Variants in IL1RAPL2 observed in about 807,000 individuals in gnomAD.
IL1RAPL2 encodes interleukin 1 receptor accessory protein like 2.
Under a neutral mutation model 44.1 loss-of-function variants are expected in IL1RAPL2, and 3 were observed. That is an observed-to-expected ratio of 0.07 (90% CI 0.03 to 0.18). The LOEUF is 0.18. Ranked by LOEUF, IL1RAPL2 falls within the 10% of genes least tolerant of loss-of-function variation. IL1RAPL2 has a pLI of 1.00. For missense variants in IL1RAPL2, 391 were observed against 496.4 expected, an observed-to-expected ratio of 0.79 and a Z score of 2.02; for synonymous variants, 181 against 178.8, an observed-to-expected ratio of 1.01 and a Z score of -0.10.
intron 6 of IL1RAPL2, among the ~76,000 whole-genome samples, chrX:105,656,025 A>G (rs1192813594): frequency 9.0e-6 from 1 of 111,422 alleles, no homozygotes; most frequent in Admixed American, 9.5e-5. Flanking sequence ...ATTATTGACT[A>G]TATTCACCCT....
intron 5 of IL1RAPL2, among the ~76,000 whole-genome samples, chrX:105,385,704 A>G (rs1010150694): frequency 9.9e-5 from 11 of 111,092 alleles, no homozygotes; most frequent in Admixed American, 9.6e-4. Context: ...TAAAGAGATC[A>G]AAGTCTTGGG....
intron 2 of IL1RAPL2, among the ~76,000 whole-genome samples, chrX:105,058,013 A>G (rs766129535): frequency 9.7e-6 from 1 of 102,905 alleles, no homozygotes; most frequent in South Asian, 4.6e-4. Flanking sequence ...CAGTGGTGCG[A>G]TCTCGGCTCA....
At chrX:105,463,568 TCC>T (rs1491518789) in intron 5 of IL1RAPL2, among the ~76,000 whole-genome samples, 2 of 32,808 alleles carry the variant, frequency 6.1e-5, no homozygotes, top group Admixed American at 1.0e-3. Flanking sequence ...TCTCTCTCTC[TCC>T]CACACACACA....
intron 3 of IL1RAPL2, among the ~76,000 whole-genome samples, chrX:105,224,907 G>A (rs1294717269): frequency 7.2e-5 from 8 of 111,806 alleles, no homozygotes; most frequent in Admixed American, 2.9e-4. Flanking sequence ...TCTGTTTGTA[G>A]CATGATGTGT....
intron 2 of IL1RAPL2, among the ~76,000 whole-genome samples, chrX:104,912,032 T>G (rs1421469896): frequency 8.9e-6 from 1 of 111,898 alleles, no homozygotes; most frequent in African/African-American, 3.2e-5. Flanking sequence ...CCATTAACCT[T>G]CTTATTTTGC....
At chrX:105,236,385 G>A (rs2034120147) in intron 4 of IL1RAPL2, among the ~76,000 whole-genome samples, 2 of 112,402 alleles carry the variant, frequency 1.8e-5, no homozygotes, top group South Asian at 7.3e-4. Context: ...TTTTACAGTT[G>A]ATAAATGATC....
At chrX:104,670,209 T>C (rs907801369) in intron 2 of IL1RAPL2, among the ~76,000 whole-genome samples, 20 of 111,241 alleles carry the variant, frequency 1.8e-4, no homozygotes, top group Non-Finnish European at 1.9e-4. Flanking sequence ...CGGCCTTCAG[T>C]CTGTGGCTGA....
chrX:104,764,553 T>C (rs1447596314), intron 2 of IL1RAPL2, among the ~76,000 whole-genome samples: 1 of 112,083 alleles, frequency 8.9e-6, no homozygotes, highest in East Asian at 2.8e-4. Context: ...TATATCTTCC[T>C]CTTGTCTGAT....
At chrX:105,215,688 G>T (rs782270609) in intron 3 of IL1RAPL2, among the ~76,000 whole-genome samples, 41 of 111,478 alleles carry the variant, frequency 3.7e-4, no homozygotes, top group African/African-American at 1.3e-3. Flanking sequence ...TATCCCCGAA[G>T]AACATCGATG....
intron 5 of IL1RAPL2, among the ~76,000 whole-genome samples, chrX:105,434,728 T>A (rs2035869945): frequency 8.9e-6 from 1 of 112,190 alleles, no homozygotes; most frequent in Admixed American, 9.5e-5. Context: ...TAGATCCCAT[T>A]TGTCAATTTA....
At chrX:104,896,142 G>A (rs1347018464) in intron 2 of IL1RAPL2, among the ~76,000 whole-genome samples, 1 of 111,782 alleles carries the variant, frequency 8.9e-6, no homozygotes, top group Non-Finnish European at 1.9e-5. Context: ...ACCAACCTCT[G>A]GAGTTGGGCA....
At chrX:105,166,216 C>T (rs1342385698) in intron 2 of IL1RAPL2, among the ~76,000 whole-genome samples, 2 of 111,812 alleles carry the variant, frequency 1.8e-5, no homozygotes, top group South Asian at 3.8e-4. Flanking sequence ...ATTTAATAAT[C>T]CCACTAGAAG....
chrX:104,780,830 G>T (rs1177446907), intron 2 of IL1RAPL2, among the ~76,000 whole-genome samples: 1 of 111,078 alleles, frequency 9.0e-6, no homozygotes, highest in Non-Finnish European at 1.9e-5. Context: ...CTAATAATTT[G>T]CCATCCAAAT....
At chrX:104,676,083 C>A (rs7053457) in intron 2 of IL1RAPL2, among the ~76,000 whole-genome samples, 5,675 of 108,329 alleles carry the variant, frequency 0.052, 388 homozygotes, top group African/African-American at 0.18. Flanking sequence ...TTAATTGGAG[C>A]ATTTAGTCCA....
At chrX:104,919,656 C>T (rs1260990859) in intron 2 of IL1RAPL2, among the ~76,000 whole-genome samples, 3 of 105,715 alleles carry the variant, frequency 2.8e-5, no homozygotes, top group Non-Finnish European at 5.8e-5. Flanking sequence ...CTTAGCCTCC[C>T]GAGTAGCTGG....
chrX:105,579,614 CCTT>C (rs2037074046), intron 6 of IL1RAPL2, among the ~76,000 whole-genome samples: 1 of 111,141 alleles, frequency 9.0e-6, no homozygotes, highest in Non-Finnish European at 1.9e-5. Context: ...AAGCTAATTG[CCTT>C]CTATTATCAC....
rs776154114 is a variant in IL1RAPL2 at position 105,375,844 on chromosome X, C to T, written c.697+108303C>T. ...TTGTTCTCTAGTTTTTTCATGTGCA[C>T]AAGTCTTGTCCTGCCAACTGTTTCG... is the stretch of plus-strand genomic sequence containing the variant. On this transcript the variant is annotated intron_variant, in intron 5 of 10. Coordinates refer to ENST00000372582, the MANE Select transcript of IL1RAPL2 (RefSeq NM_017416.2). 6.3e-5 allele frequency among the ~76,000 whole-genome samples: 7 copies of T among 111,976 alleles called. No individual in the cohort carries two copies. The East Asian group carries it at 1.7e-3, about 27-fold the overall frequency.
chrX:105,042,995 G>A (rs1235544708), intron 2 of IL1RAPL2, among the ~76,000 whole-genome samples: 2 of 100,615 alleles, frequency 2.0e-5, no homozygotes, highest in Admixed American at 1.1e-4. Flanking sequence ...AACAAACACC[G>A]CATATTCTCA....
At chrX:105,502,111 A>G (rs1220789707) in intron 6 of IL1RAPL2, among the ~76,000 whole-genome samples, 1 of 112,134 alleles carries the variant, frequency 8.9e-6, no homozygotes, top group Non-Finnish European at 1.9e-5. Context: ...TTCTATGACA[A>G]TGGAGAACAC....
Sources: allele counts gnomAD v4.1 joint callset (sites outside exome capture counted in the v4.1 genomes callset), GRCh38; gene constraint gnomAD v4.1.1; transcripts MANE v1.5; gene names NCBI Gene and HGNC (gene_info 2026-07-23, HGNC 2026-07-21).